The following CEP85L variants were observed in gnomAD, a reference collection of about 807,000 sequenced individuals.
CEP85L encodes the protein centrosomal protein of 85 kDa-like.
CEP85L carries 60 observed loss-of-function variants against 100.3 expected under a neutral mutation model. The observed-to-expected ratio is 0.60, with a 90% CI of 0.49 to 0.74. The LOEUF (loss-of-function observed/expected upper bound fraction) is 0.74. CEP85L is among the 30% of genes least tolerant of loss of function. CEP85L has a pLI of 0.00. For synonymous variants in CEP85L, 319 were observed against 322.7 expected, an observed-to-expected ratio of 0.99 and a Z score of 0.12; for missense variants, 973 against 936.2, an observed-to-expected ratio of 1.04 and a Z score of -0.51.
chr6:118,621,873 G>C (rs1476692656), intron 2 of CEP85L, among the ~76,000 whole-genome samples: 1 of 152,200 alleles, frequency 6.6e-6, no homozygotes, highest in Non-Finnish European at 1.5e-5. Context: ...TCTATATTCT[G>C]ATAAAGGAGA....
chr6:118,519,280 C>G (rs922321179), intron 4 of CEP85L, among the ~76,000 whole-genome samples: 1 of 151,882 alleles, frequency 6.6e-6, no homozygotes, highest in Non-Finnish European at 1.5e-5. Flanking sequence ...ATGGTGAAAC[C>G]CTGTCTCTAC....
chr6:118,554,828 T>C lies in CEP85L; in HGVS notation c.1020+10701A>G, dbSNP rs192010146. ...GTGGAGAACACATTCCAGGCAGAGA[T>C]AGAACAACATGTGCAAAGAACAAAA... On this transcript the variant is annotated intron_variant, in intron 3 of 12. Transcript: ENST00000368491. 6.6e-4 allele frequency among the ~76,000 whole-genome samples: 100 copies of C among 152,230 alleles called. 1 individual carries two copies. Among genetic ancestry groups the C allele is most frequent in the African/African-American group, 2.2e-3 (91 of 41,550 alleles).
At chr6:118,485,768 T>C (rs1774136471) in intron 6 of CEP85L, among the ~76,000 whole-genome samples, 1 of 152,212 alleles carries the variant, frequency 6.6e-6, no homozygotes, top group Non-Finnish European at 1.5e-5. Flanking sequence ...GGTTCTTATT[T>C]TAGTAACCAG....
intron 5 of CEP85L, among the ~76,000 whole-genome samples, chr6:118,500,738 G>C (rs1050215935): frequency 6.6e-6 from 1 of 152,122 alleles, no homozygotes; most frequent in Non-Finnish European, 1.5e-5. Context: ...CAACAAAATC[G>C]GGTGCTCAAC....
chr6:118,466,301 T>G (rs1772514732), intron 12 of CEP85L, among the ~76,000 whole-genome samples: 1 of 152,202 alleles, frequency 6.6e-6, no homozygotes, highest in Non-Finnish European at 1.5e-5. Context: ...ATTGTAGGCA[T>G]AAGAGTCAGT....
chr6:118,669,869 T>G (rs1227985030), intron 1 of CEP85L, among the ~76,000 whole-genome samples: 1 of 151,156 alleles, frequency 6.6e-6, no homozygotes, highest in South Asian at 2.1e-4. Flanking sequence ...GAGCGCTGAA[T>G]TGACTGTGTG....
intron 3 of CEP85L, among the ~76,000 whole-genome samples, chr6:118,524,492 C>G (rs967173930): frequency 6.6e-5 from 10 of 152,074 alleles, no homozygotes; most frequent in African/African-American, 2.4e-4. Flanking sequence ...TTCCCATTAC[C>G]TTGTGGAAGT....
chr6:118,607,926 C>T (rs964431290), intron 2 of CEP85L, among the ~76,000 whole-genome samples: 5 of 152,074 alleles, frequency 3.3e-5, no homozygotes, highest in Admixed American at 6.5e-5. Flanking sequence ...GTTACAGGAA[C>T]GAGGTCCTGA....
At chr6:118,636,304 A>G (rs1486041995) in intron 1 of CEP85L, among the ~76,000 whole-genome samples, 4 of 152,234 alleles carry the variant, frequency 2.6e-5, no homozygotes, top group Non-Finnish European at 5.9e-5. Flanking sequence ...AGCTCATCCT[A>G]GAGTACATAT....
At chr6:118,532,251 T>C (rs1444315130) in intron 3 of CEP85L, among the ~76,000 whole-genome samples, 2 of 151,678 alleles carry the variant, frequency 1.3e-5, no homozygotes, top group African/African-American at 4.8e-5. Context: ...AGAACTAACA[T>C]AGGAACAGAA....
chr6:118,470,130 A>G (rs1023038384), intron 11 of CEP85L, among the ~76,000 whole-genome samples: 1 of 152,254 alleles, frequency 6.6e-6, no homozygotes, highest in African/African-American at 2.4e-5. Context: ...AAGAAGAAGA[A>G]AAAAAGAAAA....
rs1051748843 is a variant in CEP85L, at chr6:118,465,334, C to T, written c.*71G>A. The T allele has an allele frequency of 2.8e-6, 4 of 1,433,814 alleles. No individual in the cohort carries two copies. The highest frequency in any genetic ancestry group is 4.2e-5 in the Admixed American group (2 of 47,480). The allele number at this position is 1,433,814 out of a possible 1,614,324, so 88.8% of individuals were successfully genotyped here. ...AAGTGCAAGTCATGTCACTTGCAAC[C>T]TTCCATTATGGCTCCATAACACAGC... On this transcript the variant is annotated 3_prime_UTR_variant, in exon 13 of 13. Coordinates refer to ENST00000368491, the MANE Select transcript of CEP85L (RefSeq NM_001042475.3).
At chr6:118,592,437 T>C (rs1336286390) in intron 2 of CEP85L, among the ~76,000 whole-genome samples, 9 of 150,536 alleles carry the variant, frequency 6.0e-5, no homozygotes, top group Non-Finnish European at 1.3e-4. Flanking sequence ...ATGTGTAACA[T>C]ATTGCAAAAT....
chr6:118,551,809 A>T (rs1017167106), intron 3 of CEP85L, among the ~76,000 whole-genome samples: 3 of 152,056 alleles, frequency 2.0e-5, no homozygotes, highest in Admixed American at 1.3e-4. Flanking sequence ...TGTTGCTACC[A>T]CAAAGTAACT....
chr6:118,598,501 T>C (rs1450544757), intron 2 of CEP85L, among the ~76,000 whole-genome samples: 1 of 152,144 alleles, frequency 6.6e-6, no homozygotes, highest in Non-Finnish European at 1.5e-5. Context: ...GGTATCCCTA[T>C]ATGGAGAGAG....
chr6:118,527,601 C>T (rs1056601379), intron 3 of CEP85L, among the ~76,000 whole-genome samples: 10 of 152,110 alleles, frequency 6.6e-5, no homozygotes, highest in African/African-American at 2.2e-4. Context: ...ATGGGTAAGT[C>T]ATTTGATAAA....
chr6:118,500,142 G>GT (rs200458467), intron 5 of CEP85L, among the ~76,000 whole-genome samples: 4,445 of 92,846 alleles, frequency 0.048, 215 homozygotes, highest in African/African-American at 0.15. Flanking sequence ...CTCTACTAAA[G>GT]TATTTTTTTT....
At chr6:118,548,040 A>G (rs1778310252) in intron 3 of CEP85L, among the ~76,000 whole-genome samples, 1 of 152,134 alleles carries the variant, frequency 6.6e-6, no homozygotes, top group East Asian at 1.9e-4. Context: ...AGATGCATGA[A>G]TCTTTAACAA....
At chr6:118,612,989 C>T (rs189209273) in intron 2 of CEP85L, among the ~76,000 whole-genome samples, 27 of 151,952 alleles carry the variant, frequency 1.8e-4, no homozygotes, top group Admixed American at 1.4e-3. Flanking sequence ...GAGGTCGAGG[C>T]GGGCGGATCG....
Sources: allele counts gnomAD v4.1 joint callset (sites outside exome capture counted in the v4.1 genomes callset), GRCh38; gene constraint gnomAD v4.1.1; transcripts MANE v1.5; gene names NCBI Gene and HGNC (gene_info 2026-07-23, HGNC 2026-07-21).